Variants in ERAP1 observed in about 807,000 individuals in gnomAD.
The protein encoded by ERAP1 is endoplasmic reticulum aminopeptidase 1, also known as adipocyte-derived leucine aminopeptidase.
ERAP1 carries 86 observed loss-of-function variants against 103.7 expected under a neutral mutation model. The ratio of observed to expected loss-of-function variants is 0.83; its 90% CI spans 0.70 to 0.99. ERAP1 has a LOEUF of 0.99. Ranked by LOEUF, ERAP1 falls within the 50% of genes least tolerant of loss-of-function variation. The pLI, the probability that ERAP1 is intolerant of heterozygous loss-of-function variation, is 0.00. For synonymous variants in ERAP1, 398 were observed against 402.4 expected (o/e 0.99, Z 0.13); for missense variants, 1,009 against 1,128.4 (o/e 0.89, Z 1.52).
chr5:96,882,883 C>A, the ERAP1 span, among the ~76,000 whole-genome samples: 2 of 152,284 alleles, frequency 1.3e-5, no homozygotes, highest in Non-Finnish European at 2.9e-5. Flanking sequence ...CTTATTTGAG[C>A]TATTCTATTC....
intron 8 of ERAP1, among the ~76,000 whole-genome samples, chr5:96,791,425 G>A (rs1776723480): frequency 2.0e-5 from 3 of 152,112 alleles, no homozygotes; most frequent in Admixed American, 2.0e-4. Flanking sequence ...AATGGTAACT[G>A]GCAACACACT....
the ERAP1 span, among the ~76,000 whole-genome samples, chr5:96,888,312 G>A: frequency 6.6e-6 from 1 of 152,138 alleles, no homozygotes; most frequent in Non-Finnish European, 1.5e-5. Flanking sequence ...TGGATGTGCA[G>A]GAGGTGAATG....
At chr5:96,850,329 A>G in the ERAP1 span, among the ~76,000 whole-genome samples, 1 of 152,202 alleles carries the variant, frequency 6.6e-6, no homozygotes, top group Non-Finnish European at 1.5e-5. Context: ...AAATATTTGC[A>G]AATTATACAT....
At chr5:96,840,788 C>G in the ERAP1 span, among the ~76,000 whole-genome samples, 1 of 151,714 alleles carries the variant, frequency 6.6e-6, no homozygotes, top group Non-Finnish European at 1.5e-5. Flanking sequence ...TCACTGCAAC[C>G]TCCGCCTCCC....
At chr5:96,837,516 C>T in the ERAP1 span, among the ~76,000 whole-genome samples, 2 of 152,186 alleles carry the variant, frequency 1.3e-5, no homozygotes, top group Non-Finnish European at 2.9e-5. Flanking sequence ...CCTCGTGGGA[C>T]GGGGAGCGCA....
chr5:96,914,039 A>G, the ERAP1 span, among the ~76,000 whole-genome samples: 1 of 152,114 alleles, frequency 6.6e-6, no homozygotes, highest in African/African-American at 2.4e-5. Context: ...GCTCATTTCA[A>G]TATGTTCCTG....
At chr5:96,934,994 G>C in the ERAP1 span, 1 of 152,356 alleles carries the variant, frequency 6.6e-6, no homozygotes, top group Non-Finnish European at 1.5e-5. Context: ...GGCCCCTGGC[G>C]GTTCGGCCTC....
the ERAP1 span, among the ~76,000 whole-genome samples, chr5:96,929,296 C>T: frequency 6.6e-6 from 1 of 152,008 alleles, no homozygotes; most frequent in South Asian, 2.1e-4. Context: ...CAGCAGAATT[C>T]TTTCCTCCAA....
the ERAP1 span, chr5:96,822,930 G>A: frequency 2.5e-6 from 1 of 400,888 alleles, no homozygotes; most frequent in Non-Finnish European, 5.1e-6. Flanking sequence ...CAGGGATACA[G>A]TCTCACCTGA....
At chr5:96,914,324 T>A in the ERAP1 span, among the ~76,000 whole-genome samples, 9 of 152,330 alleles carry the variant, frequency 5.9e-5, no homozygotes, top group South Asian at 1.7e-3. Flanking sequence ...CCTAGTTCCT[T>A]CTCTTTCATT....
At chr5:96,853,850 TAA>T in the ERAP1 span, among the ~76,000 whole-genome samples, 2 of 143,776 alleles carry the variant, frequency 1.4e-5, no homozygotes, top group East Asian at 2.0e-4. Flanking sequence ...TTAAAAGTTC[TAA>T]AAAAAAAAAA....
At chr5:96,890,039 G>A in the ERAP1 span, among the ~76,000 whole-genome samples, 1 of 152,196 alleles carries the variant, frequency 6.6e-6, no homozygotes, top group Admixed American at 6.5e-5. Context: ...CTGTGGAACA[G>A]ATTTTTAAAA....
At chr5:96,897,151 T>C in the ERAP1 span, among the ~76,000 whole-genome samples, 3 of 152,214 alleles carry the variant, frequency 2.0e-5, no homozygotes, top group South Asian at 6.2e-4. Flanking sequence ...CTTTAAAATG[T>C]TGTAATTTCT....
At chr5:96,882,695 G>A in the ERAP1 span, among the ~76,000 whole-genome samples, 1 of 152,170 alleles carries the variant, frequency 6.6e-6, no homozygotes, top group Non-Finnish European at 1.5e-5. Context: ...ATTCCAGCCA[G>A]TTAGAATTCC....
At chr5:96,881,609 A>G in the ERAP1 span, 232 of 416,486 alleles carry the variant, frequency 5.6e-4, no homozygotes, top group African/African-American at 4.5e-3. Flanking sequence ...GAAGTCCAGA[A>G]GTAGGGCAGC....
At chr5:96,899,051 G>C in the ERAP1 span, among the ~76,000 whole-genome samples, 1 of 152,166 alleles carries the variant, frequency 6.6e-6, no homozygotes, top group Non-Finnish European at 1.5e-5. Context: ...GCAATTACCA[G>C]ATCATTTTAG....
At chr5:96,887,602 T>G in the ERAP1 span, among the ~76,000 whole-genome samples, 2 of 152,266 alleles carry the variant, frequency 1.3e-5, no homozygotes, top group African/African-American at 4.8e-5. Flanking sequence ...GCCCGACAGT[T>G]TCCAACTGTT....
the ERAP1 span, among the ~76,000 whole-genome samples, chr5:96,815,919 G>C: frequency 6.6e-6 from 1 of 152,110 alleles, no homozygotes; most frequent in Non-Finnish European, 1.5e-5. Flanking sequence ...TAGACGGATG[G>C]ATGGATAGAT....
At chr5:96,911,882 G>GAAAAAA in the ERAP1 span, among the ~76,000 whole-genome samples, 1 of 109,654 alleles carries the variant, frequency 9.1e-6, no homozygotes, top group Non-Finnish European at 1.8e-5. Flanking sequence ...AAAAAAAAAA[G>GAAAAAA]AAAGAAAGAA....
Sources: gnomAD v4.1 joint callset for allele counts (sites outside exome capture counted in the v4.1 genomes callset) on GRCh38, gnomAD v4.1.1 for gene constraint, MANE v1.5 for transcripts, NCBI Gene and HGNC (gene_info 2026-07-23, HGNC 2026-07-21) for gene names.